Variants in WDCP observed in about 807,000 individuals in gnomAD.
WDCP encodes WD repeat and coiled coil containing, also known as WD repeat and coiled-coil-containing protein.
In WDCP, 19 loss-of-function variants were observed where a neutral mutation model predicts 41.6. The observed-to-expected ratio is 0.46, with a 90% CI of 0.32 to 0.67. WDCP has a LOEUF of 0.67. WDCP is among the 30% of genes least tolerant of loss of function. The pLI is 0.04. For missense variants in WDCP, 802 were observed against 850.7 expected, an observed-to-expected ratio of 0.94 and a Z score of 0.71; for synonymous variants, 302 against 320.8, an observed-to-expected ratio of 0.94 and a Z score of 0.63.
Position 24,029,613 on chromosome 2 carries a change from G to C in WDCP, c.*1320C>G, listed in dbSNP as rs951134692. The C allele has an allele frequency of 2.4e-4, 36 of 152,182 alleles. No homozygotes were observed. The highest frequency in any genetic ancestry group is 2.2e-3 in the Admixed American group (34 of 15,266). The allele number at this position is 152,182 out of a possible 1,614,324, so 9.4% of individuals were successfully genotyped here. A position where few individuals can be genotyped will look rare whatever the true frequency, so the allele number is the denominator to read the frequency against. On this transcript the variant is annotated 3_prime_UTR_variant, in exon 4 of 4. Coordinates refer to ENST00000295148, the MANE Select transcript of WDCP (RefSeq NM_025203.3). ...ACCCCAGCAGCTGTCTAGTGCACTT[G>C]AACCACAAAATGGGCCCTCACTTCT... is the stretch of plus-strand genomic sequence containing the variant.
intron 1 of WDCP, among the ~76,000 whole-genome samples, chr2:24,043,781 C>CT (rs1663526383): frequency 6.6e-6 from 1 of 152,032 alleles, no homozygotes; most frequent in Admixed American, 6.6e-5. Flanking sequence ...TCTTCAGACT[C>CT]TAAATCCAAT....
In WDCP at chr2:24,031,071, G is replaced by T; in HGVS notation, c.2028C>A (p.Ser676Arg). 1 of 1,614,160 alleles carries T rather than the reference G, an allele frequency of 6.2e-7. No individual in the cohort carries two copies. The highest frequency in any genetic ancestry group is 8.5e-7 in the Non-Finnish European group (1 of 1,179,974). The change falls in exon 4 of 4, where the codon AGC (serine) becomes AGA (arginine). Residue 676 changes from serine (S) to arginine (R), a missense_variant. Physicochemically the swap from Ser to Arg is moderately radical, Grantham distance 110. Around this residue, in one of 5 missense-constraint regions of WDCP, gnomAD observed 321 missense variants for 305.1 expected, o/e 1.05. Transcript: ENST00000295148. ...CTCTGAAGACATCTGACCTGGACAG[G>T]CTGCCATCTCTTATGATTATTTCCT... The part of the protein sequence containing the change: ...ATQEIIIRDG[S>R]LSRSDVFRDS...
At chr2:24,036,206 A>T (rs1014609769) in intron 2 of WDCP, among the ~76,000 whole-genome samples, 3 of 151,780 alleles carry the variant, frequency 2.0e-5, no homozygotes, top group Admixed American at 6.6e-5. Context: ...AATCCTCTTT[A>T]AAAAAATGTA....
At position 24,038,255 on chromosome 2, in the gene WDCP, G is replaced by A; in HGVS notation, c.1240C>T (p.Leu414Phe). The change falls in exon 2 of 4, where the codon CTT becomes TTT. Residue 414 changes from leucine to phenylalanine, a missense_variant. Transcript: ENST00000295148. ...TACTGATCAGACTTTGAAGAAGGAAGAAATGTTGTATCAGTGAGTTTTTGT... is the reference window on the plus strand; with the variant it reads ...TACTGATCAGACTTTGAAGAAGGAAAAAATGTTGTATCAGTGAGTTTTTGT... The part of the protein sequence containing the change: ...GKQKLTDTTF[L>F]PSSKSDQYAI... The A allele has an allele frequency of 6.2e-7, 1 of 1,614,162 alleles. No homozygotes were observed. The highest frequency in any genetic ancestry group is 8.5e-7 in the Non-Finnish European group (1 of 1,179,992).
intron 3 of WDCP, among the ~76,000 whole-genome samples, chr2:24,032,401 C>G (rs1280826236): frequency 6.6e-6 from 1 of 152,200 alleles, no homozygotes; most frequent in African/African-American, 2.4e-5. Flanking sequence ...ACTCAGGAGG[C>G]TGAGACAGGA....
rs556436514 is a variant in WDCP at position 24,030,723 on chromosome 2, C to A, written c.*210G>T. On this transcript the variant is annotated 3_prime_UTR_variant, in exon 4 of 4. Transcript: ENST00000295148. ...CCACACAGTCATGAATACATAAACA[C>A]CACTTTCGGAGCCATCTAATAAAGA... is the stretch of plus-strand genomic sequence containing the variant. The A allele has an allele frequency of 5.5e-6, 3 of 546,666 alleles. No homozygotes were observed. The highest frequency in any genetic ancestry group is 9.9e-6 in the Non-Finnish European group (3 of 304,498). The allele number at this position is 546,666 out of a possible 1,614,324, so 33.9% of individuals were successfully genotyped here.
intron 3 of WDCP, 148 bp downstream of exon 3, chr2:24,032,681 A>G (rs1663130020): frequency 2.1e-6 from 1 of 479,774 alleles, no homozygotes; most frequent in African/African-American, 2.0e-5. Flanking sequence ...ACCCTGTCTC[A>G]ATAATAATAA....
In WDCP at chr2:24,036,809, C is replaced by A. The variant is rs949890440; in HGVS notation, c.1818+868G>T. On this transcript the variant is annotated intron_variant, in intron 2 of 3. Transcript: ENST00000295148. Reference sequence around the variant, plus strand: ...TCCCACATACCTATATATCTATGTACACAAAGACCTGTGTTAGATCATGTG... The same window carrying A: ...TCCCACATACCTATATATCTATGTAAACAAAGACCTGTGTTAGATCATGTG... Among the ~76,000 whole-genome samples the A allele has an allele frequency of 2.0e-5, 3 of 152,154 alleles. 1 individual carries two copies. Among genetic ancestry groups the A allele is most frequent in the South Asian group, 4.1e-4 (2 of 4,826 alleles).
chr2:24,034,985 GA>G (rs1263268554), intron 2 of WDCP, among the ~76,000 whole-genome samples: 1 of 151,384 alleles, frequency 6.6e-6, no homozygotes, highest in Non-Finnish European at 1.5e-5. Context: ...CCTATTTAAA[GA>G]AAATTTTAAA....
intron 1 of WDCP, among the ~76,000 whole-genome samples, chr2:24,042,353 C>T (rs550615218): frequency 2.0e-5 from 3 of 151,828 alleles, no homozygotes; most frequent in African/African-American, 4.8e-5. Flanking sequence ...CTGGCTAACA[C>T]GGTGAAACCC....
Position 24,038,018 on chromosome 2 carries a change from T to G in WDCP, c.1477A>C (p.Arg493=). Residue 493 remains arginine, a synonymous_variant, in exon 2 of 4, where the codon AGA becomes CGA. Transcript: ENST00000295148. The part of the protein sequence containing the change: ...NTSSQNGRPG[R]TLIKEIQSPL... The stretch of plus-strand genomic sequence containing the variant: ...CTCTGGATTTCTTTAATAAGTGTTC[T>G]TCCAGGCCTTCCATTCTGACTACTG... 6.2e-7 allele frequency: 1 copy of G among 1,614,202 alleles called. No individual in the cohort carries two copies. The highest frequency in any genetic ancestry group is 1.1e-5 in the South Asian group (1 of 91,082).
chr2:24,041,858 CAAAAAA>C (rs56341766), intron 1 of WDCP, among the ~76,000 whole-genome samples: 5 of 93,226 alleles, frequency 5.4e-5, no homozygotes, highest in East Asian at 3.4e-4. Context: ...AACTCTGTCT[CAAAAAA>C]AAAAAAAAAA....
chr2:24,034,062 T>C (rs1663170766), intron 2 of WDCP, among the ~76,000 whole-genome samples: 1 of 152,258 alleles, frequency 6.6e-6, no homozygotes, highest in South Asian at 2.1e-4. Flanking sequence ...AACTATTTCT[T>C]GCTTTTGATT....
intron 1 of WDCP, among the ~76,000 whole-genome samples, chr2:24,044,559 A>C (rs550101698): frequency 6.6e-6 from 1 of 152,240 alleles, no homozygotes; most frequent in African/African-American, 2.4e-5. Flanking sequence ...GAGCCACTGC[A>C]TGGGCCAGTT....
rs1262531250 is a variant in WDCP, at chr2:24,038,509, G to A, written c.986C>T (p.Thr329Ile). 2.5e-6 allele frequency: 4 copies of A among 1,614,116 alleles called. No individual in the cohort carries two copies. The African/African-American group carries it at 5.3e-5, about 22-fold the overall frequency. Residue 329 changes from threonine (T) to isoleucine (I), a missense_variant, in exon 2 of 4, where the codon ACC becomes ATC. Thr to Ile is a moderately conservative substitution (Grantham distance 89, BLOSUM62 -1). Around this residue, in one of 5 missense-constraint regions of WDCP, gnomAD observed 247 missense variants for 240.5 expected, o/e 1.03. Coordinates refer to ENST00000295148, the MANE Select transcript of WDCP (RefSeq NM_025203.3). ...TGGAATAGTGACTTTTCTCGTCATG[G>A]TAACTGCCTTCTTAAAGGTCACAAG... is the stretch of plus-strand genomic sequence containing the variant. ...LVLVTFKKAV[T>I]MTRKVTIPGI...
At chr2:24,045,226 G>GA (rs1197934660) in intron 1 of WDCP, among the ~76,000 whole-genome samples, 2 of 152,148 alleles carry the variant, frequency 1.3e-5, no homozygotes, top group South Asian at 2.1e-4. Context: ...TAGTGAGGAG[G>GA]AAAAAAGAAT....
chr2:24,035,632 T>C (rs181164270), intron 2 of WDCP, among the ~76,000 whole-genome samples: 2 of 152,242 alleles, frequency 1.3e-5, no homozygotes, highest in African/African-American at 4.8e-5. Flanking sequence ...ATCAAAACTA[T>C]GGCTGGGTGC....
intron 3 of WDCP, among the ~76,000 whole-genome samples, chr2:24,032,375 G>A (rs746256863): frequency 2.6e-4 from 39 of 152,160 alleles, no homozygotes; most frequent in African/African-American, 8.4e-4. Context: ...GGCAGCGTGC[G>A]CCTGTAGTCC....
Position 24,032,858 on chromosome 2 carries a change from A to G in WDCP, c.1907T>C (p.Phe636Ser), listed in dbSNP as rs1277198444. 1 of 1,613,494 alleles carries G rather than the reference A, an allele frequency of 6.2e-7. No homozygotes were observed. Among genetic ancestry groups the G allele is most frequent in the Non-Finnish European group, 8.5e-7 (1 of 1,179,452 alleles). Residue 636 changes from phenylalanine (F) to serine (S), a missense_variant, in exon 3 of 4, where the codon TTT becomes TCT. Physicochemically the swap from Phe to Ser is radical, Grantham distance 155. Coordinates refer to ENST00000295148, the MANE Select transcript of WDCP (RefSeq NM_025203.3). The part of the protein sequence containing the change: ...KLRLSTVQQT[F>S]GLSLIEMLHD... ...TAGCATTTCAATGAGAGAAAGGCCAAAAGTCTGCTGAACTGTACTGAGCCT... is the reference window on the plus strand; with the variant it reads ...TAGCATTTCAATGAGAGAAAGGCCAGAAGTCTGCTGAACTGTACTGAGCCT...
Sources: gnomAD v4.1 joint callset for allele counts (sites outside exome capture counted in the v4.1 genomes callset) on GRCh38, gnomAD v4.1.1 for gene constraint, gnomAD v4.1.1 regional missense constraint, MANE v1.5 for transcripts, NCBI Gene and HGNC (gene_info 2026-07-23, HGNC 2026-07-21) for gene names.